Variants in ZIM2 observed in about 807,000 individuals in gnomAD.
ZIM2 encodes the protein zinc finger imprinted 2.
In ZIM2, 14 loss-of-function variants were observed where a neutral mutation model predicts 38.6. That is an observed-to-expected ratio of 0.36 (90% CI 0.24 to 0.57). ZIM2 has a LOEUF of 0.57. Among genes scored for constraint, ZIM2 ranks in the 20% least tolerant of loss-of-function variants. The pLI, the probability that ZIM2 is intolerant of heterozygous loss-of-function variation, is 0.81. For synonymous variants in ZIM2, 247 were observed against 245.8 expected, an observed-to-expected ratio of 1.00 and a Z score of -0.04; for missense variants, 680 against 695.1, an observed-to-expected ratio of 0.98 and a Z score of 0.24.
At chr19:56,778,438 C>T (rs896350965) in intron 12 of ZIM2, among the ~76,000 whole-genome samples, 1 of 152,186 alleles carries the variant, frequency 6.6e-6, no homozygotes, top group African/African-American at 2.4e-5. Flanking sequence ...GTACTGGACA[C>T]AGCTGCTAGT....
At chr19:56,807,755 C>A (rs1440407607) in intron 9 of ZIM2, among the ~76,000 whole-genome samples, 1 of 151,008 alleles carries the variant, frequency 6.6e-6, no homozygotes, top group Non-Finnish European at 1.5e-5. Flanking sequence ...TGTGCCACTG[C>A]ACTTCAGGCT....
Position 56,774,731 on chromosome 19 carries a change from T to G in ZIM2, c.1634A>C (p.Gln545Pro). Residue 545 changes from glutamine to proline, a missense_variant, in exon 13 of 13, where the codon CAA becomes CCA. Coordinates refer to ENST00000629319, the MANE Select transcript of ZIM2 (RefSeq NM_001387356.1). ...AACAGTTTTCTCTTGAGAATGGAGT[T>G]GATAATGTTGAGTGAGGTATGAGGG... ...GRPSYLTQHY[Q>P]LHSQEKTVEC... 1.2e-6 allele frequency: 2 copies of G among 1,614,078 alleles called. No individual in the cohort carries two copies. Among genetic ancestry groups the G allele is most frequent in the East Asian group, 4.5e-5 (2 of 44,868 alleles).
Position 56,774,547 on chromosome 19 carries a change from T to TA in ZIM2, c.*140_*141insT, listed in dbSNP as rs1361225415. On this transcript the variant is annotated 3_prime_UTR_variant, in exon 13 of 13. Coordinates refer to ENST00000629319, the MANE Select transcript of ZIM2 (RefSeq NM_001387356.1). ...AATCCCCTCTTCGAAAAATTGCAACTTTTTTTTTTTTTTTACCACACTTTG... is the reference window on the plus strand; with the variant it reads ...AATCCCCTCTTCGAAAAATTGCAACTATTTTTTTTTTTTTTACCACACTTTG... 4.7e-6 allele frequency: 1 copy of TA among 211,696 alleles called. No individual in the cohort carries two copies. The highest frequency in any genetic ancestry group is 6.9e-6 in the Non-Finnish European group (1 of 144,950). 13.1% of individuals were successfully genotyped at this position (211,696 alleles called of 1,614,324 possible).
chr19:56,837,086 T>G (rs1036713654), intron 1 of ZIM2, among the ~76,000 whole-genome samples: 5 of 151,952 alleles, frequency 3.3e-5, no homozygotes, highest in African/African-American at 1.2e-4. Context: ...AAGATCTCCT[T>G]GGGTGGAGCC....
chr19:56,840,106 C>T (rs928136988), intron 1 of ZIM2, among the ~76,000 whole-genome samples: 1 of 152,216 alleles, frequency 6.6e-6, no homozygotes, highest in Non-Finnish European at 1.5e-5. Context: ...ATTTTCGCAG[C>T]CCCCAGACCC....
rs375493638 is a variant in ZIM2 at position 56,832,162 on chromosome 19, A to G, written c.-227+3856T>C. On this transcript the variant is annotated intron_variant, in intron 2 of 12. Transcript: ENST00000629319. ...ATTTAAAATGTTATTTTAACTTCGC[A>G]ATCAGGAAAAAAACTGAATATAAAA... 3.3e-5 allele frequency among the ~76,000 whole-genome samples: 5 copies of G among 152,308 alleles called. No individual in the cohort carries two copies. In the South Asian group the frequency reaches 1.0e-3, roughly 32 times the overall value.
At position 56,814,905 on chromosome 19, in the gene ZIM2, G is replaced by A. The variant is rs763509108; in HGVS notation, c.490+2841C>T. 14 of 1,613,970 alleles carry A rather than the reference G, an allele frequency of 8.7e-6. No individual in the cohort carries two copies. The Middle Eastern group carries it at 6.6e-4, about 76-fold the overall frequency. On this transcript the variant is annotated intron_variant, in intron 9 of 12. Coordinates refer to ENST00000629319, the MANE Select transcript of ZIM2 (RefSeq NM_001387356.1). This position sits in a 1 kb window ranked among gnomAD's most constrained non-coding sequence, Gnocchi z 5.8. ...CTTGTTCATGGATTCTCTGATGCTC[G>A]AAAAGGAATGAGCTATGAATAAAAG...
At chr19:56,780,376 G>C (rs1201209766) in intron 11 of ZIM2, among the ~76,000 whole-genome samples, 2 of 151,566 alleles carry the variant, frequency 1.3e-5, no homozygotes, top group African/African-American at 4.8e-5. Context: ...CTGAGTAGCT[G>C]GGAATACAGG....
intron 9 of ZIM2, among the ~76,000 whole-genome samples, chr19:56,806,450 T>C (rs1271312907): frequency 6.6e-6 from 1 of 152,176 alleles, no homozygotes; most frequent in Non-Finnish European, 1.5e-5. Context: ...AGGCTGGTTG[T>C]GACCTGGAAA....
chr19:56,799,795 C>T (rs536010933), intron 9 of ZIM2: 1 of 152,078 alleles, frequency 6.6e-6, no homozygotes, highest in Non-Finnish European at 1.5e-5. Context: ...AGGTGTCAAT[C>T]AATAGTAGAA....
At position 56,811,620 on chromosome 19, in the gene ZIM2, C is replaced by T. The variant is rs553752940; in HGVS notation, c.490+6126G>A. 46 of 985,316 alleles carry T rather than the reference C, an allele frequency of 4.7e-5. No homozygotes were observed. In the African/African-American group the frequency reaches 7.5e-4, roughly 16 times the overall value. 61.0% of individuals were successfully genotyped at this position (985,316 alleles called of 1,614,324 possible). A position where few individuals can be genotyped will look rare whatever the true frequency, so the allele number is the denominator to read the frequency against. ...GCTACCACTGCCAACAATGTTAACACCAAGTAATGTACCCACAAAGTTCAC... is the reference window on the plus strand; with the variant it reads ...GCTACCACTGCCAACAATGTTAACATCAAGTAATGTACCCACAAAGTTCAC... On this transcript the variant is annotated intron_variant, in intron 9 of 12. Coordinates refer to ENST00000629319, the MANE Select transcript of ZIM2 (RefSeq NM_001387356.1).
In ZIM2 at chr19:56,823,553, G is replaced by A. The variant is rs368880481; in HGVS notation, c.106+37C>T. On this transcript the variant is annotated intron_variant, in intron 5 of 12. Transcript: ENST00000629319. ...TCTCCATCTGGAAGCATCTGGCAGC[G>A]CCTGCCCATGGGTGACCAGTGGGGA... The A allele has an allele frequency of 4.2e-5, 68 of 1,611,774 alleles. No individual in the cohort carries two copies. The Admixed American group carries it at 4.3e-4, about 10-fold the overall frequency.
intron 9 of ZIM2, among the ~76,000 whole-genome samples, chr19:56,801,040 A>C (rs939663497): frequency 1.3e-5 from 2 of 151,340 alleles, no homozygotes; most frequent in Non-Finnish European, 2.9e-5. Context: ...GGTTCAAGCA[A>C]TTCTCTGCCT....
At chr19:56,835,005 G>A (rs184547447) in intron 2 of ZIM2, among the ~76,000 whole-genome samples, 3 of 152,216 alleles carry the variant, frequency 2.0e-5, no homozygotes, top group Non-Finnish European at 4.4e-5. Context: ...GTGACTCACT[G>A]TGCCTCCTCT....
intron 9 of ZIM2, among the ~76,000 whole-genome samples, chr19:56,796,500 G>A (rs903718652): frequency 4.6e-5 from 7 of 152,216 alleles, no homozygotes; most frequent in African/African-American, 1.2e-4. Context: ...CACTGCTGCA[G>A]GTTGGCTCCA....
chr19:56,829,589 GA>G (rs1166153923), intron 2 of ZIM2, among the ~76,000 whole-genome samples: 1 of 152,206 alleles, frequency 6.6e-6, no homozygotes, highest in Non-Finnish European at 1.5e-5. Context: ...GCAGGAAGAG[GA>G]AGTGCTGGTC....
At chr19:56,777,921 T>C (rs2078487132) in intron 12 of ZIM2, among the ~76,000 whole-genome samples, 1 of 152,186 alleles carries the variant, frequency 6.6e-6, no homozygotes, top group Admixed American at 6.5e-5. Flanking sequence ...CATATTGCCC[T>C]TCCTACTGTT....
chr19:56,828,649 G>T (rs1359840086), intron 2 of ZIM2, among the ~76,000 whole-genome samples: 1 of 152,064 alleles, frequency 6.6e-6, no homozygotes, highest in Non-Finnish European at 1.5e-5. Flanking sequence ...AAAAGGGAGG[G>T]GGAAAAGTAT....
chr19:56,808,166 G>A (rs953846393), intron 9 of ZIM2, among the ~76,000 whole-genome samples: 7 of 152,154 alleles, frequency 4.6e-5, no homozygotes, highest in African/African-American at 1.7e-4. Flanking sequence ...GGCAGGGATG[G>A]TGATCAGAAG....
Sources: gnomAD v4.1 joint callset for allele counts (sites outside exome capture counted in the v4.1 genomes callset) on GRCh38, gnomAD v4.1.1 for gene constraint, Gnocchi (gnomAD v3.1) non-coding constraint, MANE v1.5 for transcripts, NCBI Gene and HGNC (gene_info 2026-07-23, HGNC 2026-07-21) for gene names.